Variants in CARMIL1 observed in about 807,000 individuals in gnomAD.
CARMIL1 encodes F-actin-uncapping protein LRRC16A.
A neutral mutation model predicts 177.1 loss-of-function variants in CARMIL1; 90 were observed. That is an observed-to-expected ratio of 0.51 (90% CI 0.43 to 0.61). The LOEUF (loss-of-function observed/expected upper bound fraction) is 0.61, where lower values mean the gene tolerates loss of function less well. Ranked by LOEUF, CARMIL1 falls within the 20% of genes least tolerant of loss-of-function variation. The pLI is 0.00. For missense variants in CARMIL1, 1,380 were observed against 1,667.0 expected, an observed-to-expected ratio of 0.83 and a Z score of 3.00; for synonymous variants, 577 against 606.2, an observed-to-expected ratio of 0.95 and a Z score of 0.71.
chr6:25,538,907 G>GTC (rs1808601739), intron 25 of CARMIL1, among the ~76,000 whole-genome samples: 1 of 152,050 alleles, frequency 6.6e-6, no homozygotes, highest in Non-Finnish European at 1.5e-5. Flanking sequence ...AATCAGTCGT[G>GTC]TCTATGTAAT....
At chr6:25,579,705 A>G (rs1303575640) in intron 29 of CARMIL1, among the ~76,000 whole-genome samples, 1 of 152,182 alleles carries the variant, frequency 6.6e-6, no homozygotes, top group African/African-American at 2.4e-5. Context: ...TTCATTTTGT[A>G]TTTTAGGAAA....
At position 25,284,825 on chromosome 6, in the gene CARMIL1, T is replaced by G. The variant is rs562103252; in HGVS notation, c.54T>G (p.Asp18Glu). ...VPRELIESIKDVIGRKIKISV... is the reference protein window; with the variant it reads ...VPRELIESIKEVIGRKIKISV... ...TTTTTTTTTCAGAAAGCATAAAGGA[T>G]GTTATTGGCAGAAAGATAAAAATTT... is the stretch of plus-strand genomic sequence containing the variant. The change falls in exon 2 of 37, where the codon GAT becomes GAG. Residue 18 changes from aspartate (D) to glutamate (E), a missense_variant. Coordinates refer to ENST00000329474, the MANE Select transcript of CARMIL1 (RefSeq NM_017640.6). 2 of 1,539,954 alleles carry G rather than the reference T, an allele frequency of 1.3e-6. No homozygotes were observed. Among genetic ancestry groups the G allele is most frequent in the East Asian group, 2.4e-5 (1 of 42,296 alleles).
intron 2 of CARMIL1, among the ~76,000 whole-genome samples, chr6:25,380,530 T>G (rs892732868): frequency 6.6e-6 from 1 of 152,152 alleles, no homozygotes; most frequent in African/African-American, 2.4e-5. Flanking sequence ...GGAAGGTAAA[T>G]GGAAAATTAC....
intron 2 of CARMIL1, among the ~76,000 whole-genome samples, chr6:25,333,967 A>G (rs1410425700): frequency 6.6e-6 from 1 of 152,194 alleles, no homozygotes; most frequent in African/African-American, 2.4e-5. Flanking sequence ...AAGTTTCATG[A>G]TCCTAGAATG....
chr6:25,302,768 C>T (rs1782965304), intron 2 of CARMIL1, among the ~76,000 whole-genome samples: 1 of 152,180 alleles, frequency 6.6e-6, no homozygotes, highest in African/African-American at 2.4e-5. Flanking sequence ...CCCATCTCAG[C>T]ACTTGAACTG....
At chr6:25,536,677 A>G (rs1411339961) in intron 24 of CARMIL1, among the ~76,000 whole-genome samples, 4 of 152,182 alleles carry the variant, frequency 2.6e-5, no homozygotes, top group African/African-American at 9.6e-5. Context: ...TGGCAGTGCT[A>G]CAGCAAGTAG....
chr6:25,499,157 CA>C (rs1804051943), intron 16 of CARMIL1, among the ~76,000 whole-genome samples: 1 of 152,156 alleles, frequency 6.6e-6, no homozygotes, highest in South Asian at 2.1e-4. Context: ...CCTACCTTCC[CA>C]CCTCACCCTT....
intron 8 of CARMIL1, among the ~76,000 whole-genome samples, chr6:25,459,272 T>TCTTTCTC (rs1477339182): frequency 7.4e-6 from 1 of 134,974 alleles, no homozygotes; most frequent in African/African-American, 2.7e-5. Context: ...CTTTCTTTTT[T>TCTTTCTC]TTTTTTTTAA....
In CARMIL1 at chr6:25,527,779, T is replaced by C. The variant is rs142099950; in HGVS notation, c.1969-1016T>C. On this transcript the variant is annotated intron_variant, in intron 23 of 36. Coordinates refer to ENST00000329474, the MANE Select transcript of CARMIL1 (RefSeq NM_017640.6). The stretch of plus-strand genomic sequence containing the variant: ...TTCAAGGGATCGTAATTATAGTCTG[T>C]ATTTTAATAGTTTCTAATTGATATT... 1,537 of 361,830 alleles carry C rather than the reference T, an allele frequency of 4.2e-3. 13 individuals are homozygous for C. The highest frequency in any genetic ancestry group is 0.021 in the African/African-American group (975 of 46,478). 22.4% of individuals were successfully genotyped at this position (361,830 alleles called of 1,614,324 possible).
intron 11 of CARMIL1, among the ~76,000 whole-genome samples, chr6:25,480,669 AATTT>A (rs1802020723): frequency 3.4e-5 from 5 of 147,892 alleles, no homozygotes; most frequent in African/African-American, 1.2e-4. Context: ...ATTTAATTTA[AATTT>A]ATATTTAATG....
intron 32 of CARMIL1, among the ~76,000 whole-genome samples, chr6:25,595,948 T>G (rs923657640): frequency 6.6e-5 from 10 of 152,212 alleles, no homozygotes; most frequent in African/African-American, 2.4e-4. Flanking sequence ...TAGTGATGGT[T>G]AAATGAATGG....
At chr6:25,395,532 C>T (rs1439082462) in intron 2 of CARMIL1, among the ~76,000 whole-genome samples, 2 of 152,230 alleles carry the variant, frequency 1.3e-5, no homozygotes, top group East Asian at 3.9e-4. Context: ...AATGCATCTT[C>T]TGGCAGAAAT....
intron 26 of CARMIL1, among the ~76,000 whole-genome samples, chr6:25,541,431 A>T (rs1324702412): frequency 6.6e-6 from 1 of 152,216 alleles, no homozygotes; most frequent in African/African-American, 2.4e-5. Context: ...TAGATGTACC[A>T]GCATAATTTA....
intron 12 of CARMIL1, among the ~76,000 whole-genome samples, chr6:25,486,442 G>T (rs1054766785): frequency 6.6e-6 from 1 of 152,024 alleles, no homozygotes; most frequent in Non-Finnish European, 1.5e-5. Flanking sequence ...TCTATTTTGG[G>T]AATTTATTTA....
intron 2 of CARMIL1, chr6:25,388,372 T>TG (rs1448660643): frequency 2.0e-5 from 3 of 152,070 alleles, no homozygotes; most frequent in Admixed American, 2.0e-4. Flanking sequence ...ACTTTTTTTG[T>TG]TTTGTTTTGT....
intron 10 of CARMIL1, 99 bp from the exon 11 acceptor site, chr6:25,472,328 G>T: frequency 1.3e-6 from 1 of 779,404 alleles, no homozygotes; most frequent in South Asian, 1.7e-5. Context: ...TGTAAGGGAG[G>T]TTTCTCTATT....
rs1348225958 is a variant in CARMIL1 at position 25,441,335 on chromosome 6, A to ATGTGTGTGTGTGTG, written c.371+5732_371+5733insGTGTGTGTGTGTGT. On this transcript the variant is annotated intron_variant, in intron 5 of 36. Coordinates refer to ENST00000329474, the MANE Select transcript of CARMIL1 (RefSeq NM_017640.6). ...AACAAACAAACATATATATATATAT[A>ATGTGTGTGTGTGTG]TATGTGTGTGTGTGTGTGTGTGTGT... 4.4e-3 allele frequency among the ~76,000 whole-genome samples: 295 copies of ATGTGTGTGTGTGTG among 66,808 alleles called. 1 individual carries two copies. The highest frequency in any genetic ancestry group is 7.0e-3 in the East Asian group (7 of 1,002). 43.8% of individuals were successfully genotyped at this position (66,808 alleles called of 152,430 possible).
At chr6:25,367,407 G>A (rs1422111367) in intron 2 of CARMIL1, among the ~76,000 whole-genome samples, 1 of 152,126 alleles carries the variant, frequency 6.6e-6, no homozygotes, top group African/African-American at 2.4e-5. Context: ...TGGGGTTTGG[G>A]AGTGGTTTGG....
At chr6:25,576,435 A>G (rs1165135327) in intron 29 of CARMIL1, among the ~76,000 whole-genome samples, 1 of 152,210 alleles carries the variant, frequency 6.6e-6, no homozygotes, top group East Asian at 1.9e-4. Context: ...AGGCAAAAGA[A>G]TTCAAAGCTG....
Sources: allele counts gnomAD v4.1 joint callset (sites outside exome capture counted in the v4.1 genomes callset), GRCh38; gene constraint gnomAD v4.1.1; transcripts MANE v1.5; gene names NCBI Gene and HGNC (gene_info 2026-07-23, HGNC 2026-07-21).